Variants in QPCT observed in about 807,000 individuals in gnomAD.
QPCT encodes the protein glutaminyl-peptide cyclotransferase.
In QPCT, 44 loss-of-function variants were observed where a neutral mutation model predicts 43.4. The observed-to-expected ratio is 1.01, with a 90% confidence interval of 0.80 to 1.30. The LOEUF (loss-of-function observed/expected upper bound fraction) is 1.30, where lower values mean the gene tolerates loss of function less well. Among genes scored for constraint, QPCT ranks in the 50% most tolerant of loss-of-function variants. QPCT has a pLI of 0.00. For synonymous variants in QPCT, 168 were observed against 168.4 expected (o/e 1.00, Z 0.02); for missense variants, 526 against 436.5 (o/e 1.21, Z -1.83).
At position 37,344,900 on chromosome 2, in the gene QPCT, G is replaced by T. The variant is rs72864827; in HGVS notation, c.120+49G>T. The T allele has an allele frequency of 4.6e-3, 6,838 of 1,502,318 alleles. 297 individuals are homozygous for T. The African/African-American group carries it at 0.089, about 20-fold the overall frequency. 93.1% of individuals were successfully genotyped at this position (1,502,318 alleles called of 1,614,324 possible). ...TGTACTTGAGCGGCTCTGGTCCGATGCGAGGACCCCTGGCCGGGTCAGCCC... is the reference window on the plus strand; with the variant it reads ...TGTACTTGAGCGGCTCTGGTCCGATTCGAGGACCCCTGGCCGGGTCAGCCC... On this transcript the variant is annotated intron_variant, in intron 1 of 6. Coordinates refer to ENST00000338415, the MANE Select transcript of QPCT (RefSeq NM_012413.4).
intron 3 of QPCT, among the ~76,000 whole-genome samples, chr2:37,365,749 CAGAA>C (rs1672946648): frequency 6.6e-6 from 1 of 152,104 alleles, no homozygotes; most frequent in African/African-American, 2.4e-5. Flanking sequence ...ATGAGCATGA[CAGAA>C]AGAAATCAAG....
At position 37,369,680 on chromosome 2, in the gene QPCT, C is replaced by G. The variant is rs767853797; in HGVS notation, c.724-5C>G. ...GGTGATTAAACATTACTTTTTCTCC[C>G]TCAGGATTTATTGGTCTTATTGGAT... On this transcript the variant is annotated splice_region_variant and splice_polypyrimidine_tract_variant and intron_variant, in intron 4 of 6. Coordinates refer to ENST00000338415, the MANE Select transcript of QPCT (RefSeq NM_012413.4). 1 of 1,573,802 alleles carries G rather than the reference C, an allele frequency of 6.4e-7. No individual in the cohort carries two copies. Among genetic ancestry groups the G allele is most frequent in the African/African-American group, 1.4e-5 (1 of 73,880 alleles).
intron 3 of QPCT, among the ~76,000 whole-genome samples, chr2:37,364,132 C>G (rs548074974): frequency 1.3e-5 from 2 of 152,072 alleles, no homozygotes; most frequent in Non-Finnish European, 2.9e-5. Context: ...TCTTCAGACC[C>G]AGAAAAATTA....
At chr2:37,354,418 G>A (rs1393645353) in intron 2 of QPCT, among the ~76,000 whole-genome samples, 1 of 152,200 alleles carries the variant, frequency 6.6e-6, no homozygotes, top group Non-Finnish European at 1.5e-5. Context: ...TCTTTGCATA[G>A]ATCATCTCAT....
At chr2:37,368,786 AG>A (rs1270497034) in intron 4 of QPCT, 5 of 418,504 alleles carry the variant, frequency 1.2e-5, no homozygotes, top group Non-Finnish European at 2.0e-5. Flanking sequence ...AAATATATGA[AG>A]CCACAGTGAT....
chr2:37,345,205 C>T (rs538791617), intron 1 of QPCT, among the ~76,000 whole-genome samples: 3 of 152,310 alleles, frequency 2.0e-5, no homozygotes, highest in Admixed American at 6.5e-5. Context: ...ACTCGGGACC[C>T]TGGAGGGCAA....
intron 3 of QPCT, among the ~76,000 whole-genome samples, chr2:37,362,077 G>A (rs1042911741): frequency 7.2e-5 from 11 of 152,188 alleles, no homozygotes; most frequent in African/African-American, 2.7e-4. Flanking sequence ...GATATTAGGC[G>A]AACAGAATGA....
At chr2:37,370,112 G>A (rs1306099159) in intron 5 of QPCT, among the ~76,000 whole-genome samples, 1 of 152,134 alleles carries the variant, frequency 6.6e-6, no homozygotes, top group Admixed American at 6.5e-5. Flanking sequence ...TTGAACCTGG[G>A]AAGCAGAAGT....
In QPCT at chr2:37,360,032, A is replaced by G. The variant is rs1672831339; in HGVS notation, c.546+174A>G. On this transcript the variant is annotated intron_variant, in intron 3 of 6. Coordinates refer to ENST00000338415, the MANE Select transcript of QPCT (RefSeq NM_012413.4). Reference sequence around the variant, plus strand: ...ATGATTGGGAATATCAACCATGGGCAATAAACCTAAGATACGTGACAATGC... The same window carrying G: ...ATGATTGGGAATATCAACCATGGGCGATAAACCTAAGATACGTGACAATGC... 4 of 704,070 alleles carry G rather than the reference A, an allele frequency of 5.7e-6. No individual in the cohort carries two copies. In the South Asian group the frequency reaches 7.7e-5, roughly 14 times the overall value. The allele number at this position is 704,070 out of a possible 1,614,324, so 43.6% of individuals were successfully genotyped here.
chr2:37,349,691 G>A (rs1672578888), intron 1 of QPCT, among the ~76,000 whole-genome samples: 1 of 152,098 alleles, frequency 6.6e-6, no homozygotes, highest in African/African-American at 2.4e-5. Flanking sequence ...CAGAAGCATC[G>A]AATGTCAGAA....
intron 1 of QPCT, among the ~76,000 whole-genome samples, chr2:37,345,241 G>C (rs1672459115): frequency 1.3e-5 from 2 of 151,942 alleles, no homozygotes; most frequent in South Asian, 4.1e-4. Context: ...GGGGCCGCTA[G>C]GGTGCGGGGT....
intron 1 of QPCT, among the ~76,000 whole-genome samples, chr2:37,346,505 T>A (rs1275205808): frequency 6.6e-6 from 1 of 152,168 alleles, no homozygotes; most frequent in Non-Finnish European, 1.5e-5. Flanking sequence ...TCTGAAAAGA[T>A]CATTTGTAGG....
chr2:37,352,100 GAA>G (rs1490848041), intron 1 of QPCT, among the ~76,000 whole-genome samples: 1 of 151,164 alleles, frequency 6.6e-6, no homozygotes, highest in Non-Finnish European at 1.5e-5. Flanking sequence ...TTAAAAAAGT[GAA>G]AAAGGGGTAA....
intron 2 of QPCT, 84 bp downstream of exon 2, chr2:37,353,019 G>GC: frequency 6.8e-7 from 1 of 1,463,918 alleles, no homozygotes; most frequent in South Asian, 1.4e-5. Flanking sequence ...AAGTTCTGAG[G>GC]TGTCTAATAT....
At chr2:37,354,584 G>A (rs1672701249) in intron 2 of QPCT, among the ~76,000 whole-genome samples, 1 of 152,184 alleles carries the variant, frequency 6.6e-6, no homozygotes, top group South Asian at 2.1e-4. Context: ...TGTCACTGGA[G>A]AGCTGGGAGG....
At chr2:37,367,735 T>C (rs1672989550) in intron 4 of QPCT, among the ~76,000 whole-genome samples, 1 of 151,848 alleles carries the variant, frequency 6.6e-6, no homozygotes, top group African/African-American at 2.4e-5. Flanking sequence ...AGCTGGGTGT[T>C]GTGTATGCCT....
chr2:37,370,071 G>A (rs912227053), intron 5 of QPCT, among the ~76,000 whole-genome samples: 34 of 152,108 alleles, frequency 2.2e-4, no homozygotes, highest in African/African-American at 8.0e-4. Context: ...TGTAATCCCA[G>A]CTACTTGATA....
intron 3 of QPCT, among the ~76,000 whole-genome samples, chr2:37,361,581 C>T (rs1672858745): frequency 6.6e-6 from 1 of 152,212 alleles, no homozygotes; most frequent in Non-Finnish European, 1.5e-5. Context: ...GAATGGCATG[C>T]CCTGGCTAGC....
Position 37,347,164 on chromosome 2 carries a change from A to ATAT in QPCT, c.120+2313_120+2314insTAT, listed in dbSNP as rs555548922. On this transcript the variant is annotated intron_variant, in intron 1 of 6. Transcript: ENST00000338415. ...GTGTTTTATATATATATATATATAT[A>ATAT]ACATATATATATATAACATATATAT... 2.8e-3 allele frequency among the ~76,000 whole-genome samples: 84 copies of ATAT among 29,764 alleles called. 9 individuals carry two copies. The highest frequency in any genetic ancestry group is 7.2e-3 in the East Asian group (2 of 278). 19.5% of individuals were successfully genotyped at this position (29,764 alleles called of 152,430 possible).
Sources: allele counts gnomAD v4.1 joint callset (sites outside exome capture counted in the v4.1 genomes callset), GRCh38; gene constraint gnomAD v4.1.1; transcripts MANE v1.5; gene names NCBI Gene and HGNC (gene_info 2026-07-23, HGNC 2026-07-21).